MORN1: variants seen among roughly 807,000 people sequenced by gnomAD.
The protein encoded by MORN1 is MORN repeat-containing protein 1.
In MORN1, 67 loss-of-function variants were observed where a neutral mutation model predicts 61.9. The observed-to-expected ratio is 1.08, with a 90% CI of 0.89 to 1.33. The LOEUF is 1.33. Among genes scored for constraint, MORN1 ranks in the 40% most tolerant of loss-of-function variants. The pLI, the probability that MORN1 is intolerant of heterozygous loss-of-function variation, is 0.00. For missense variants in MORN1, 752 were observed against 691.2 expected (o/e 1.09, Z -0.99); for synonymous variants, 301 against 292.0 (o/e 1.03, Z -0.31).
chr1:2,371,030 C>T (rs1192537168), intron 8 of MORN1: 2 of 150,038 alleles, frequency 1.3e-5, no homozygotes, highest in Non-Finnish European at 2.9e-5. Flanking sequence ...ACGGTGAAAC[C>T]CCGTCTCTAC....
chr1:2,374,330 T>TGGAA, intron 7 of MORN1, 131 bp downstream of exon 7: 1 of 698,488 alleles, frequency 1.4e-6, no homozygotes, highest in Non-Finnish European at 2.4e-6. Flanking sequence ...AGGGGTGGGG[T>TGGAA]TTTATATTCC....
intron 3 of MORN1, chr1:2,387,953 A>T (rs1023456221): frequency 2.6e-5 from 12 of 455,670 alleles, no homozygotes; most frequent in African/African-American, 2.4e-4. Flanking sequence ...CTGGTTTCCC[A>T]TCTAGGGATA....
At chr1:2,351,921 A>C in intron 10 of MORN1, 1 of 517,954 alleles carries the variant, frequency 1.9e-6, no homozygotes, top group South Asian at 1.6e-5. Context: ...ACCTGGTATG[A>C]GGCCACCCAC....
At position 2,387,483 on chromosome 1, in the gene MORN1, G is replaced by A. The variant is rs374158545; in HGVS notation, c.294C>T (p.Tyr98=). Reference sequence around the variant, plus strand: ...CGCCGGCTTTGTACTCCATGACGCCGTAGCCTTGAGGCTCTCCCAGAACAA... The same window carrying A: ...CGCCGGCTTTGTACTCCATGACGCCATAGCCTTGAGGCTCTCCCAGAACAA... ...GQFVLGEPQG[Y]GVMEYKAGGC... The change falls in exon 4 of 14, where the codon TAC becomes TAT. Residue 98 remains tyrosine, a synonymous_variant. Transcript: ENST00000378531. 9.3e-6 allele frequency: 15 copies of A among 1,613,378 alleles called. No individual in the cohort carries two copies. The highest frequency in any genetic ancestry group is 1.7e-5 in the Admixed American group (1 of 60,024).
At chr1:2,321,953 CA>C in intron 13 of MORN1, 1 of 949,600 alleles carries the variant, frequency 1.1e-6, no homozygotes, top group Non-Finnish European at 1.3e-6. Flanking sequence ...GATTCTTTTG[CA>C]AATACTTTCC....
At chr1:2,382,354 C>T (rs1557892395) in intron 6 of MORN1, among the ~76,000 whole-genome samples, 1 of 152,204 alleles carries the variant, frequency 6.6e-6, no homozygotes, top group Non-Finnish European at 1.5e-5. Flanking sequence ...AGCACCTCAG[C>T]TTCCTCACCT....
intron 10 of MORN1, among the ~76,000 whole-genome samples, chr1:2,348,741 G>A (rs1489663676): frequency 6.6e-5 from 2 of 30,256 alleles, no homozygotes; most frequent in African/African-American, 3.6e-4. Context: ...GCACACCTGC[G>A]CGGGCACGCA....
At chr1:2,374,909 T>C in intron 6 of MORN1, 1 of 215,328 alleles carries the variant, frequency 4.6e-6, no homozygotes, top group Non-Finnish European at 9.3e-6. Context: ...GTGGCATGTA[T>C]CATAAAGGAG....
intron 12 of MORN1, among the ~76,000 whole-genome samples, chr1:2,324,647 C>T (rs1238426800): frequency 1.3e-5 from 2 of 152,146 alleles, no homozygotes; most frequent in Non-Finnish European, 2.9e-5. Flanking sequence ...CTGGGAGTGC[C>T]ATGACTGGGA....
At chr1:2,336,894 C>T (rs376272495) in intron 10 of MORN1, 44 bp from the exon 11 acceptor site, 36 of 1,492,944 alleles carry the variant, frequency 2.4e-5, no homozygotes, top group African/African-American at 1.5e-4. Context: ...GGGCTCAGGG[C>T]GGAGACGGAG....
At chr1:2,385,322 G>T in intron 5 of MORN1, 1 of 547,708 alleles carries the variant, frequency 1.8e-6, no homozygotes, top group Middle Eastern at 5.0e-4. Flanking sequence ...TACTCAAAAT[G>T]GGAAATGACC....
At chr1:2,323,153 C>T (rs1640921825) in intron 13 of MORN1, 9 of 985,288 alleles carry the variant, frequency 9.1e-6, no homozygotes, top group Admixed American at 1.2e-4. Context: ...CGCGGTGGAC[C>T]GGTTGATGGT....
chr1:2,344,433 G>T (rs949193781), intron 10 of MORN1, among the ~76,000 whole-genome samples: 3 of 152,226 alleles, frequency 2.0e-5, no homozygotes, highest in African/African-American at 7.2e-5. Flanking sequence ...AAGGCCCAGC[G>T]ACCAGGAGCA....
chr1:2,357,920 T>C lies in MORN1; in HGVS notation c.870-322A>G, dbSNP rs1262520827. Reference sequence around the variant, plus strand: ...AGTGGGTCCAAGTTTACCCCAAATGTCAGACAGTCCTTAACTCAGGAGAAG... The same window carrying C: ...AGTGGGTCCAAGTTTACCCCAAATGCCAGACAGTCCTTAACTCAGGAGAAG... On this transcript the variant is annotated intron_variant, in intron 9 of 13. Coordinates refer to ENST00000378531, the MANE Select transcript of MORN1 (RefSeq NM_024848.3). This position sits in a 1 kb window ranked among gnomAD's most constrained non-coding sequence, Gnocchi z 6.3. 6.6e-6 allele frequency among the ~76,000 whole-genome samples: 1 copy of C among 152,106 alleles called. No individual in the cohort carries two copies. The highest frequency in any genetic ancestry group is 1.5e-5 in the Non-Finnish European group (1 of 68,026).
At chr1:2,346,560 A>G (rs1641519985) in intron 10 of MORN1, among the ~76,000 whole-genome samples, 2 of 151,784 alleles carry the variant, frequency 1.3e-5, no homozygotes, top group Non-Finnish European at 2.9e-5. Flanking sequence ...TAATTTTTGT[A>G]TTTTTAGTAG....
chr1:2,329,809 C>T (rs770810624), intron 12 of MORN1, among the ~76,000 whole-genome samples: 2 of 152,234 alleles, frequency 1.3e-5, no homozygotes, highest in African/African-American at 2.4e-5. Flanking sequence ...GGCTGGGCCC[C>T]GTGCAGGTAC....
intron 1 of MORN1, chr1:2,390,619 C>A: frequency 1.0e-6 from 1 of 985,400 alleles, no homozygotes; most frequent in South Asian, 4.7e-5. Context: ...GGGAGGAGGG[C>A]AGGGGGTTAC....
chr1:2,327,131 CAG>C (rs1641044464), intron 12 of MORN1, among the ~76,000 whole-genome samples: 1 of 136,642 alleles, frequency 7.3e-6, no homozygotes, highest in African/African-American at 3.0e-5. Context: ...GAAACAAACA[CAG>C]AAACACAGAG....
At chr1:2,370,936 T>C (rs1313925470) in intron 8 of MORN1, among the ~76,000 whole-genome samples, 5 of 150,502 alleles carry the variant, frequency 3.3e-5, no homozygotes, top group African/African-American at 1.2e-4. Flanking sequence ...CCGGGCACGG[T>C]GGCTCACGTC....
Sources: allele counts gnomAD v4.1 joint callset (sites outside exome capture counted in the v4.1 genomes callset), GRCh38; gene constraint gnomAD v4.1.1; non-coding constraint Gnocchi (gnomAD v3.1); transcripts MANE v1.5; gene names NCBI Gene and HGNC (gene_info 2026-07-23, HGNC 2026-07-21).